Variants in HTT observed in about 807,000 individuals in gnomAD.
HTT encodes huntingtin, also known as huntington disease protein.
HTT carries 104 observed loss-of-function variants against 362.3 expected under a neutral mutation model. That is an observed-to-expected ratio of 0.29 (90% CI 0.24 to 0.34). The LOEUF (loss-of-function observed/expected upper bound fraction) is 0.34. HTT is among the 10% of genes least tolerant of loss of function. The pLI is 1.00. For missense variants in HTT, 3,301 were observed against 3,928.6 expected (o/e 0.84, Z 4.27); for synonymous variants, 1,577 against 1,548.7 (o/e 1.02, Z -0.43).
At position 3,137,945 on chromosome 4, in the gene HTT, C is replaced by T. The variant is rs550527458; in HGVS notation, c.2798+1619C>T. On this transcript the variant is annotated intron_variant, in intron 21 of 66. Coordinates refer to ENST00000355072, the MANE Select transcript of HTT (RefSeq NM_001388492.1). ...AATTTATGAATTATGGTACTGTGAA[C>T]ATTTGCCTGCAAGATTTTGTGTAGA... is the stretch of plus-strand genomic sequence containing the variant. Among the ~76,000 whole-genome samples the T allele has an allele frequency of 2.0e-5, 3 of 152,248 alleles. No homozygotes were observed. The South Asian group carries it at 6.2e-4, about 32-fold the overall frequency.
intron 12 of HTT, 47 bp from the exon 13 acceptor site, chr4:3,129,877 T>C: frequency 6.2e-7 from 1 of 1,613,332 alleles, no homozygotes; most frequent in Non-Finnish European, 8.5e-7. Context: ...GCTTGTCTCT[T>C]GGTGATCACA....
intron 5 of HTT, among the ~76,000 whole-genome samples, chr4:3,106,691 T>C (rs543159992): frequency 4.0e-4 from 60 of 151,726 alleles, no homozygotes; most frequent in Non-Finnish European, 7.2e-4. Context: ...GGTTTTTTTT[T>C]CCCCCTTAGT....
At position 3,180,566 on chromosome 4, in the gene HTT, C is replaced by T. The variant is rs363129; in HGVS notation, c.4664C>T (p.Thr1555Ile). Residue 1555 changes from threonine to isoleucine, a missense_variant, in exon 36 of 67, where the codon ACA becomes ATA. Transcript: ENST00000355072. ...CACGACCTCTTTGTATTAAGAGGAA[C>T]AAATAAAGCTGATGCAGGAAAAGAG... ...IVHDLFVLRG[T>I]NKADAGKELE... 646 of 1,613,018 alleles carry T rather than the reference C, an allele frequency of 4.0e-4. 5 individuals are homozygous for T. Among genetic ancestry groups the T allele is most frequent in the South Asian group, 3.2e-3 (287 of 90,922 alleles).
chr4:3,217,148 G>A (rs1483100234), intron 51 of HTT, among the ~76,000 whole-genome samples: 1 of 152,194 alleles, frequency 6.6e-6, no homozygotes. Flanking sequence ...TGGCCTGTGG[G>A]TAATAGCCAC....
chr4:3,146,973 G>A (rs1716633221), intron 25 of HTT, 25 bp downstream of exon 25: 1 of 1,612,928 alleles, frequency 6.2e-7, no homozygotes, highest in Non-Finnish European at 8.5e-7. Context: ...TTGAAACAGG[G>A]ACTCCAGGAC....
chr4:3,136,346 C>T lies in HTT; in HGVS notation c.2798+20C>T. The T allele has an allele frequency of 7.2e-7, 1 of 1,389,836 alleles. No individual in the cohort carries two copies. The allele number at this position is 1,389,836 out of a possible 1,614,324, so 86.1% of individuals were successfully genotyped here. A position where few individuals can be genotyped will look rare whatever the true frequency, so the allele number is the denominator to read the frequency against. On this transcript the variant is annotated intron_variant, in intron 21 of 66. Coordinates refer to ENST00000355072, the MANE Select transcript of HTT (RefSeq NM_001388492.1). ...AATTAGGTATTTACCAATATTTTATCTCTTTTCCTTTTTTGGTTGAAGTAC... is the reference window on the plus strand; with the variant it reads ...AATTAGGTATTTACCAATATTTTATTTCTTTTCCTTTTTTGGTTGAAGTAC...
At chr4:3,095,198 T>C (rs59147561) in intron 2 of HTT, among the ~76,000 whole-genome samples, 35,521 of 152,114 alleles carry the variant, frequency 0.23, 6,573 homozygotes, top group African/African-American at 0.52. Flanking sequence ...AAGGTTGTAG[T>C]GACCCGAGAT....
chr4:3,092,418 T>C (rs145281398), intron 2 of HTT, among the ~76,000 whole-genome samples: 98 of 152,336 alleles, frequency 6.4e-4, no homozygotes, highest in Non-Finnish European at 1.0e-3. Context: ...AGGATCTTAC[T>C]CTGTCACCCA....
At chr4:3,217,705 T>G in intron 51 of HTT, 60 bp from the exon 52 acceptor site, 1 of 1,424,730 alleles carries the variant, frequency 7.0e-7, no homozygotes, top group Non-Finnish European at 9.7e-7. Context: ...TCATGCTTTC[T>G]ACACTGGGCA....
chr4:3,157,557 G>T (rs1050637392), intron 28 of HTT, among the ~76,000 whole-genome samples: 3 of 152,086 alleles, frequency 2.0e-5, no homozygotes, highest in African/African-American at 7.2e-5. Context: ...GGTCCTGCAG[G>T]TACCCTCTGC....
chr4:3,125,684 C>G (rs1578518165), intron 11 of HTT, 55 bp downstream of exon 11: 2 of 1,257,312 alleles, frequency 1.6e-6, no homozygotes, highest in African/African-American at 1.5e-5. Context: ...CCTTCCACCC[C>G]TTGCCCTTCC....
Position 3,180,533 on chromosome 4 carries a change from C to T in HTT, c.4631C>T (p.Pro1544Leu). The T allele has an allele frequency of 5.0e-6, 8 of 1,607,748 alleles. No individual in the cohort carries two copies. The highest frequency in any genetic ancestry group is 6.8e-6 in the Non-Finnish European group (8 of 1,177,038). Residue 1544 changes from proline to leucine, a missense_variant, in exon 36 of 67, where the codon CCC becomes CTC. Pro to Leu is a moderately conservative substitution (Grantham distance 98). This residue lies in a region of HTT where 2,316 missense variants were observed against 2,658.5 expected (regional missense o/e 0.87). Coordinates refer to ENST00000355072, the MANE Select transcript of HTT (RefSeq NM_001388492.1). ...CCCACAGCCATACCGGCTCTGCAGC[C>T]CATAGTCCACGACCTCTTTGTATTA... ...AVTHAIPALQPIVHDLFVLRG... is the reference protein window; with the variant it reads ...AVTHAIPALQLIVHDLFVLRG...
At chr4:3,142,038 T>G (rs1716371845) in intron 22 of HTT, among the ~76,000 whole-genome samples, 1 of 152,240 alleles carries the variant, frequency 6.6e-6, no homozygotes, top group East Asian at 1.9e-4. Flanking sequence ...TCATTAAAAT[T>G]GATTACTAAC....
intron 33 of HTT, among the ~76,000 whole-genome samples, chr4:3,176,563 G>A (rs936571488): frequency 1.3e-5 from 2 of 152,054 alleles, no homozygotes; most frequent in South Asian, 4.1e-4. Flanking sequence ...AGGCTCTCAG[G>A]GGGGCACGGG....
At position 3,184,939 on chromosome 4, in the gene HTT, T is replaced by G. The variant is rs141500949; in HGVS notation, c.4867-1658T>G. Among the ~76,000 whole-genome samples, 46 of 151,952 alleles carry G rather than the reference T, an allele frequency of 3.0e-4. No homozygotes were observed. The East Asian group carries it at 8.9e-3, about 29-fold the overall frequency. ...AGGTGTGGGGTTCCTAAAGCCAAGA[T>G]TTTTTTTAAGGCATTTTGTGCAGGA... On this transcript the variant is annotated intron_variant, in intron 37 of 66. Coordinates refer to ENST00000355072, the MANE Select transcript of HTT (RefSeq NM_001388492.1).
chr4:3,235,625 G>A lies in HTT; in HGVS notation c.8632G>A (p.Ala2878Thr). 3 of 1,613,856 alleles carry A rather than the reference G, an allele frequency of 1.9e-6. No individual in the cohort carries two copies. Among genetic ancestry groups the A allele is most frequent in the Non-Finnish European group, 2.5e-6 (3 of 1,180,018 alleles). The change falls in exon 63 of 67, where the codon GCC becomes ACC. Residue 2878 changes from alanine (A) to threonine (T), a missense_variant. By Grantham distance (58) the Ala-to-Thr change is moderately conservative (BLOSUM62 0). Around this residue, in one of 4 missense-constraint regions of HTT, gnomAD observed 753 missense variants for 1,021.3 expected, o/e 0.74. Transcript: ENST00000355072. ...CACCCCCTCCATCATTTACCACTGT[G>A]CCCTCAGAGGCCTGGAGCGCCTCCT... ...ESTPSIIYHC[A>T]LRGLERLLLS...
At chr4:3,195,613 A>C (rs1312166964) in intron 40 of HTT, among the ~76,000 whole-genome samples, 7 of 152,056 alleles carry the variant, frequency 4.6e-5, no homozygotes, top group Admixed American at 2.6e-4. Flanking sequence ...CATCTCAGCC[A>C]CGTTCTCAGT....
chr4:3,229,809 T>C (rs1451292511), intron 59 of HTT, 78 bp from the exon 60 acceptor site: 6 of 1,443,030 alleles, frequency 4.2e-6, no homozygotes, highest in African/African-American at 1.4e-5. Context: ...GACTTGCCAG[T>C]AGTAGCGTTC....
chr4:3,122,115 G>A (rs1261506909), intron 9 of HTT, among the ~76,000 whole-genome samples: 2 of 152,184 alleles, frequency 1.3e-5, no homozygotes, highest in Non-Finnish European at 1.5e-5. Flanking sequence ...GAGAAAATCC[G>A]TCTGTCCCCA....
Sources: gnomAD v4.1 joint callset for allele counts (sites outside exome capture counted in the v4.1 genomes callset) on GRCh38, gnomAD v4.1.1 for gene constraint, gnomAD v4.1.1 regional missense constraint, MANE v1.5 for transcripts, NCBI Gene and HGNC (gene_info 2026-07-23, HGNC 2026-07-21) for gene names.